Variants in SEZ6L observed in about 807,000 individuals in gnomAD.
SEZ6L encodes seizure related 6 homolog like, also known as seizure 6-like protein.
In SEZ6L, 37 loss-of-function variants were observed where a neutral mutation model predicts 106.2. The ratio of observed to expected loss-of-function variants is 0.35; its 90% CI spans 0.27 to 0.46. The LOEUF is 0.46. Among genes scored for constraint, SEZ6L ranks in the 20% least tolerant of loss-of-function variants. SEZ6L has a pLI of 1.00. For missense variants in SEZ6L, 1,172 were observed against 1,332.8 expected (o/e 0.88, Z 1.88); for synonymous variants, 541 against 570.4 (o/e 0.95, Z 0.73).
chr22:26,365,712 A>C (rs675083), intron 13 of SEZ6L, 146 bp downstream of exon 13: 2 of 194,930 alleles, frequency 1.0e-5, no homozygotes, highest in South Asian at 1.3e-4. Flanking sequence ...CATCTCTACC[A>C]AAAAAAAAAA....
intron 1 of SEZ6L, among the ~76,000 whole-genome samples, chr22:26,258,188 C>T (rs915883090): frequency 1.3e-5 from 2 of 152,146 alleles, no homozygotes; most frequent in African/African-American, 2.4e-5. Flanking sequence ...TACACAAAGA[C>T]GCATAGGGAG....
chr22:26,343,940 G>C (rs1026499955), intron 10 of SEZ6L, among the ~76,000 whole-genome samples: 1 of 152,212 alleles, frequency 6.6e-6, no homozygotes, highest in Non-Finnish European at 1.5e-5. Context: ...CATGCCTAAA[G>C]TCTATGGCAA....
chr22:26,185,313 T>C (rs972215905), intron 1 of SEZ6L, among the ~76,000 whole-genome samples: 2 of 152,156 alleles, frequency 1.3e-5, no homozygotes, highest in Non-Finnish European at 2.9e-5. Context: ...TCAGCATGAA[T>C]TACCAGAAAG....
At chr22:26,217,464 AC>A in intron 1 of SEZ6L, among the ~76,000 whole-genome samples, 1 of 152,032 alleles carries the variant, frequency 6.6e-6, no homozygotes, top group Non-Finnish European at 1.5e-5. Flanking sequence ...CCCCTTCCTG[AC>A]TTTTGGCCTG....
intron 5 of SEZ6L, among the ~76,000 whole-genome samples, chr22:26,300,465 C>A (rs1165947056): frequency 3.3e-5 from 5 of 152,198 alleles, no homozygotes; most frequent in Non-Finnish European, 1.5e-5. Flanking sequence ...TCATCCATAT[C>A]CCTACAAAGG....
intron 1 of SEZ6L, among the ~76,000 whole-genome samples, chr22:26,172,972 T>A (rs993273952): frequency 5.9e-5 from 9 of 152,140 alleles, no homozygotes; most frequent in Non-Finnish European, 1.2e-4. Flanking sequence ...GGAATTAGAT[T>A]TATAAAGTCC....
At chr22:26,194,132 C>A (rs910910909) in intron 1 of SEZ6L, among the ~76,000 whole-genome samples, 1 of 152,120 alleles carries the variant, frequency 6.6e-6, no homozygotes, top group Non-Finnish European at 1.5e-5. Context: ...ATTGCAAGCT[C>A]AGGAAAGAGC....
intron 10 of SEZ6L, among the ~76,000 whole-genome samples, chr22:26,341,860 C>A (rs1184478501): frequency 6.6e-6 from 1 of 152,220 alleles, no homozygotes; most frequent in East Asian, 1.9e-4. Context: ...ACGGCCACCA[C>A]TCTAGTCCGA....
intron 1 of SEZ6L, among the ~76,000 whole-genome samples, chr22:26,203,521 A>AT (rs113505399): frequency 0.19 from 28,143 of 152,122 alleles, 2,891 homozygotes; most frequent in Middle Eastern, 0.32. Context: ...ATTCATTTGG[A>AT]TTTATCATTT....
intron 13 of SEZ6L, among the ~76,000 whole-genome samples, chr22:26,369,435 A>G (rs11090437): frequency 0.53 from 66,216 of 125,000 alleles, 18,694 homozygotes; most frequent in East Asian, 0.94. Flanking sequence ...CGCCTCCCGC[A>G]TTCACGCCAT....
rs980563710 is a variant in SEZ6L at position 26,246,320 on chromosome 22, T to C, written c.95-46086T>C. On this transcript the variant is annotated intron_variant, in intron 1 of 16. Transcript: ENST00000248933. ...AACACAGATTTAGTCCACATCGTATTACTAACCCTAACCCTAACCCAACCT... is the reference window on the plus strand; with the variant it reads ...AACACAGATTTAGTCCACATCGTATCACTAACCCTAACCCTAACCCAACCT... Among the ~76,000 whole-genome samples, 17 of 152,306 alleles carry C rather than the reference T, an allele frequency of 1.1e-4. No individual in the cohort carries two copies. In the East Asian group the frequency reaches 1.7e-3, roughly 16 times the overall value.
intron 10 of SEZ6L, among the ~76,000 whole-genome samples, chr22:26,346,090 C>G (rs1038153952): frequency 6.6e-6 from 1 of 151,882 alleles, no homozygotes; most frequent in African/African-American, 2.4e-5. Flanking sequence ...TGCAGTGAAG[C>G]CTTCATGGCT....
chr22:26,255,338 A>G (rs780962757), intron 1 of SEZ6L, among the ~76,000 whole-genome samples: 12 of 152,160 alleles, frequency 7.9e-5, no homozygotes, highest in Non-Finnish European at 1.5e-4. Context: ...CCTAGAATAA[A>G]TCACCAAAGC....
chr22:26,169,805 C>A, intron 1 of SEZ6L, 42 bp downstream of exon 1: 1 of 1,063,374 alleles, frequency 9.4e-7, no homozygotes, highest in Non-Finnish European at 1.2e-6. Flanking sequence ...GGCAAAGTTG[C>A]CGGGAGAGCG....
intron 1 of SEZ6L, among the ~76,000 whole-genome samples, chr22:26,270,517 C>T (rs5761461): frequency 1.3e-5 from 2 of 150,676 alleles, no homozygotes; most frequent in African/African-American, 4.9e-5. Flanking sequence ...TGAAGCACTC[C>T]TGGAGGAAGA....
At chr22:26,352,733 A>C (rs1230213025) in intron 12 of SEZ6L, among the ~76,000 whole-genome samples, 2 of 152,238 alleles carry the variant, frequency 1.3e-5, no homozygotes, top group Non-Finnish European at 2.9e-5. Context: ...TGTCATTCTA[A>C]GAATGGCGCA....
chr22:26,353,802 A>G (rs945229474), intron 12 of SEZ6L, among the ~76,000 whole-genome samples: 36 of 152,220 alleles, frequency 2.4e-4, no homozygotes, highest in Non-Finnish European at 1.3e-4. Flanking sequence ...AACCCATGGT[A>G]TCTGTAATTG....
intron 13 of SEZ6L, among the ~76,000 whole-genome samples, chr22:26,366,715 C>T (rs1755108722): frequency 6.6e-6 from 1 of 151,856 alleles, no homozygotes; most frequent in Non-Finnish European, 1.5e-5. Flanking sequence ...CTCAAACAAA[C>T]AAACAAACAA....
chr22:26,177,227 AC>A (rs1327608493), intron 1 of SEZ6L, among the ~76,000 whole-genome samples: 1 of 152,194 alleles, frequency 6.6e-6, no homozygotes, highest in African/African-American at 2.4e-5. Context: ...ATAGTGTCCA[AC>A]CTCATAGGAT....
Sources: gnomAD v4.1 joint callset for allele counts (sites outside exome capture counted in the v4.1 genomes callset) on GRCh38, gnomAD v4.1.1 for gene constraint, MANE v1.5 for transcripts, NCBI Gene and HGNC (gene_info 2026-07-23, HGNC 2026-07-21) for gene names.